Variants in KLF12 observed in about 807,000 individuals in gnomAD.
The protein encoded by KLF12 is Krueppel-like factor 12.
KLF12 carries 9 observed loss-of-function variants against 37.8 expected under a neutral mutation model. That is an observed-to-expected ratio of 0.24 (90% CI 0.14 to 0.42). The LOEUF is 0.42. Among genes scored for constraint, KLF12 ranks in the 10% least tolerant of loss-of-function variants. The probability of loss-of-function intolerance (pLI) is 1.00; values close to 1 mark genes in which losing one functional copy is unlikely to be tolerated. For missense variants in KLF12, 411 were observed against 516.0 expected, an observed-to-expected ratio of 0.80 and a Z score of 1.97; for synonymous variants, 208 against 202.1, an observed-to-expected ratio of 1.03 and a Z score of -0.25.
At chr13:73,817,193 C>T (rs1390693768) in intron 4 of KLF12, among the ~76,000 whole-genome samples, 2 of 151,682 alleles carry the variant, frequency 1.3e-5, no homozygotes, top group East Asian at 1.9e-4. Context: ...TGGCATATGC[C>T]TGTAGTCCCA....
intron 1 of KLF12, among the ~76,000 whole-genome samples, chr13:74,084,326 C>G (rs541153815): frequency 6.6e-6 from 1 of 152,194 alleles, no homozygotes; most frequent in Non-Finnish European, 1.5e-5. Flanking sequence ...ATTACAAATG[C>G]AGCAGAATCC....
intron 5 of KLF12, among the ~76,000 whole-genome samples, chr13:73,803,783 C>T (rs1052818762): frequency 2.2e-4 from 26 of 115,678 alleles, no homozygotes; most frequent in African/African-American, 7.6e-4. Flanking sequence ...CACACACACA[C>T]ACACACACAC....
chr13:74,062,269 A>T (rs999183163), intron 1 of KLF12, among the ~76,000 whole-genome samples: 3 of 152,172 alleles, frequency 2.0e-5, no homozygotes, highest in African/African-American at 7.2e-5. Context: ...AAAATGAGTT[A>T]ATTTCTTACA....
At chr13:73,961,914 C>T (rs1032954674) in intron 2 of KLF12, 1 of 424,768 alleles carries the variant, frequency 2.4e-6, no homozygotes, top group Non-Finnish European at 4.7e-6. Flanking sequence ...TGGGCAGCCA[C>T]TTTGGATGAC....
rs573358858 is a variant in KLF12, at chr13:73,804,132, T to C, written c.806+9020A>G. 1.8e-4 allele frequency among the ~76,000 whole-genome samples: 27 copies of C among 152,324 alleles called. 1 individual carries two copies. Among genetic ancestry groups the C allele is most frequent in the Middle Eastern group, 6.8e-3 (2 of 294 alleles). Reference sequence around the variant, plus strand: ...TCACTCACTTGTGCACCAGTCATTATGACCTTATACACTCTTCCACATGCC... The same window carrying C: ...TCACTCACTTGTGCACCAGTCATTACGACCTTATACACTCTTCCACATGCC... On this transcript the variant is annotated intron_variant, in intron 5 of 7. Transcript: ENST00000377669.
intron 1 of KLF12, among the ~76,000 whole-genome samples, chr13:74,042,874 G>T (rs1341050686): frequency 6.6e-6 from 1 of 152,088 alleles, no homozygotes; most frequent in Non-Finnish European, 1.5e-5. Flanking sequence ...AATCTCTATG[G>T]GCAAGAAGCC....
the KLF12 span, among the ~76,000 whole-genome samples, chr13:74,274,392 G>T: frequency 0.014 from 2,095 of 152,114 alleles, 47 homozygotes; most frequent in African/African-American, 0.046. Context: ...CTCTAAGATC[G>T]CACATTACCA....
chr13:74,253,931 A>T, the KLF12 span, among the ~76,000 whole-genome samples: 1 of 152,206 alleles, frequency 6.6e-6, no homozygotes, highest in South Asian at 2.1e-4. Context: ...TAATGTTTTT[A>T]AACCAGAATT....
chr13:73,980,776 G>T (rs375066490), intron 2 of KLF12, among the ~76,000 whole-genome samples: 2 of 152,052 alleles, frequency 1.3e-5, no homozygotes, highest in Non-Finnish European at 2.9e-5. Context: ...ACTATTTAAC[G>T]CACACCAGAT....
At chr13:73,856,594 C>T (rs1321272447) in intron 3 of KLF12, among the ~76,000 whole-genome samples, 1 of 151,928 alleles carries the variant, frequency 6.6e-6, no homozygotes, top group African/African-American at 2.4e-5. Flanking sequence ...GAGGAGTGAC[C>T]CTATATTCAG....
chr13:73,919,103 G>A (rs894141273), intron 3 of KLF12, among the ~76,000 whole-genome samples: 1 of 152,142 alleles, frequency 6.6e-6, no homozygotes, highest in Non-Finnish European at 1.5e-5. Flanking sequence ...AACTACCCAG[G>A]AGCACTGTCC....
chr13:73,941,408 A>G (rs1304817945), intron 3 of KLF12, among the ~76,000 whole-genome samples: 1 of 152,212 alleles, frequency 6.6e-6, no homozygotes, highest in Admixed American at 6.5e-5. Context: ...AAAAATAGAT[A>G]AATAAATGCC....
chr13:73,941,580 C>A (rs1890188313), intron 3 of KLF12, among the ~76,000 whole-genome samples: 2 of 152,118 alleles, frequency 1.3e-5, no homozygotes, highest in African/African-American at 4.8e-5. Context: ...AGATTCTGAA[C>A]ATTATATGGT....
intron 3 of KLF12, among the ~76,000 whole-genome samples, chr13:73,908,506 A>G (rs1160523149): frequency 1.4e-5 from 2 of 146,202 alleles, no homozygotes; most frequent in African/African-American, 5.1e-5. Context: ...TTTGAGATGG[A>G]GTTTCGCTCC....
At chr13:74,191,772 G>C in the KLF12 span, among the ~76,000 whole-genome samples, 3 of 152,080 alleles carry the variant, frequency 2.0e-5, no homozygotes, top group Non-Finnish European at 4.4e-5. Context: ...GGCCAATTCA[G>C]GGGGAGGTAT....
At chr13:74,101,894 G>C (rs1028792217) in intron 1 of KLF12, among the ~76,000 whole-genome samples, 1 of 152,178 alleles carries the variant, frequency 6.6e-6, no homozygotes, top group African/African-American at 2.4e-5. Flanking sequence ...CACTGTGGTG[G>C]CTGGTTTAGG....
chr13:73,702,652 C>T (rs77262532), intron 7 of KLF12, among the ~76,000 whole-genome samples: 7,316 of 152,228 alleles, frequency 0.048, 222 homozygotes, highest in Middle Eastern at 0.099. Context: ...ATTTCTGAAA[C>T]GTGTCCCTGT....
chr13:73,801,941 T>C (rs1882300169), intron 5 of KLF12: 1 of 152,080 alleles, frequency 6.6e-6, no homozygotes, highest in Non-Finnish European at 1.5e-5. Flanking sequence ...CTTTTTAAAT[T>C]GATGACCAAG....
the KLF12 span, among the ~76,000 whole-genome samples, chr13:74,232,894 A>C: frequency 2.6e-5 from 4 of 151,664 alleles, no homozygotes; most frequent in African/African-American, 7.3e-5. Flanking sequence ...TATTATTATT[A>C]TTATTTTCTG....
Sources: allele counts gnomAD v4.1 joint callset (sites outside exome capture counted in the v4.1 genomes callset), GRCh38; gene constraint gnomAD v4.1.1; transcripts MANE v1.5; gene names NCBI Gene and HGNC (gene_info 2026-07-23, HGNC 2026-07-21).